Variants in ANKRD11 observed in about 807,000 individuals in gnomAD.
The protein encoded by ANKRD11 is ankyrin repeat domain 11.
ANKRD11 carries 17 observed loss-of-function variants against 195.7 expected under a neutral mutation model. That is an observed-to-expected ratio of 0.09 (90% CI 0.06 to 0.13). The LOEUF (loss-of-function observed/expected upper bound fraction) is 0.13, where lower values mean the gene tolerates loss of function less well. Among genes scored for constraint, ANKRD11 ranks in the 10% least tolerant of loss-of-function variants. The pLI, the probability that ANKRD11 is intolerant of heterozygous loss-of-function variation, is 1.00. For synonymous variants in ANKRD11, 1,953 were observed against 1,528.1 expected, an observed-to-expected ratio of 1.28 and a Z score of -6.49; for missense variants, 3,735 against 3,566.1, an observed-to-expected ratio of 1.05 and a Z score of -1.21.
intron 9 of ANKRD11, among the ~76,000 whole-genome samples, chr16:89,276,595 C>T (rs2033673710): frequency 1.3e-5 from 2 of 152,198 alleles, no homozygotes; most frequent in African/African-American, 2.4e-5. Context: ...CAGAAGCTCC[C>T]AGCCAGGAGA....
intron 1 of ANKRD11, among the ~76,000 whole-genome samples, chr16:89,487,753 G>T (rs565614645): frequency 6.6e-6 from 1 of 152,112 alleles, no homozygotes; most frequent in African/African-American, 2.4e-5. Context: ...CAGCCTGGGC[G>T]ACAGAGCGAG....
intron 2 of ANKRD11, among the ~76,000 whole-genome samples, chr16:89,328,556 G>A (rs1004987890): frequency 6.6e-6 from 1 of 150,802 alleles, no homozygotes; most frequent in African/African-American, 2.5e-5. Context: ...ATCTGCAGAG[G>A]CCCCTGCTGA....
At chr16:89,300,897 G>A (rs1285430082) in intron 4 of ANKRD11, 7 of 701,834 alleles carry the variant, frequency 1.0e-5, no homozygotes, top group Admixed American at 2.0e-5. Flanking sequence ...AGGCAGCTTC[G>A]GCCCATGGCG....
At chr16:89,465,560 C>A (rs1282451855) in intron 1 of ANKRD11, among the ~76,000 whole-genome samples, 1 of 152,190 alleles carries the variant, frequency 6.6e-6, no homozygotes, top group Non-Finnish European at 1.5e-5. Context: ...CAGGTGGGAA[C>A]ACTTGCTCCT....
intron 4 of ANKRD11, among the ~76,000 whole-genome samples, chr16:89,293,406 G>A (rs2035192731): frequency 6.6e-6 from 1 of 151,986 alleles, no homozygotes; most frequent in Admixed American, 6.5e-5. Context: ...GGGCAGAGTT[G>A]GGGTTGCGGA....
At chr16:89,286,383 C>T (rs1299070525) in intron 7 of ANKRD11, 197 bp from the exon 8 acceptor site, 2 of 791,910 alleles carry the variant, frequency 2.5e-6, no homozygotes, top group East Asian at 2.7e-5. Context: ...GCTGTGGCTC[C>T]TCTGTGGGAA....
At chr16:89,471,303 C>T (rs1261717907) in intron 1 of ANKRD11, among the ~76,000 whole-genome samples, 1 of 152,136 alleles carries the variant, frequency 6.6e-6, no homozygotes, top group East Asian at 1.9e-4. Context: ...GAACTGTGTG[C>T]AAAACCTAAA....
chr16:89,349,113 G>C (rs2039075920), intron 2 of ANKRD11, among the ~76,000 whole-genome samples: 1 of 43,168 alleles, frequency 2.3e-5, no homozygotes, highest in Non-Finnish European at 4.0e-5. Context: ...GGGGGACAGA[G>C]TAAAACACTG....
chr16:89,375,957 C>T (rs373925260), intron 2 of ANKRD11, among the ~76,000 whole-genome samples: 26 of 152,094 alleles, frequency 1.7e-4, no homozygotes, highest in African/African-American at 3.4e-4. Flanking sequence ...CGTGACACGC[C>T]GCAGCCTGTG....
rs562274438 is a variant in ANKRD11, at chr16:89,288,065, C to T, written c.744+463G>A. 6.7e-4 allele frequency: 380 copies of T among 569,658 alleles called. 6 individuals are homozygous for T. In the South Asian group the frequency reaches 8.6e-3, roughly 13 times the overall value. 35.3% of individuals were successfully genotyped at this position (569,658 alleles called of 1,614,324 possible). A position where few individuals can be genotyped will look rare whatever the true frequency, so the allele number is the denominator to read the frequency against. On this transcript the variant is annotated intron_variant, in intron 7 of 12. Transcript: ENST00000301030. ...GGCTGAGACCTCTCAGTGCCCACTG[C>T]TCCTGGGCCGGCCACAATGGCCACT...
intron 1 of ANKRD11, chr16:89,458,847 CG>C (rs1446666015): frequency 2.0e-5 from 3 of 152,324 alleles, no homozygotes; most frequent in Admixed American, 6.5e-5. Flanking sequence ...ATCTCCTCTG[CG>C]GCCCCGGCCT....
intron 2 of ANKRD11, among the ~76,000 whole-genome samples, chr16:89,359,145 C>G (rs1251405394): frequency 6.6e-6 from 1 of 151,968 alleles, no homozygotes; most frequent in Non-Finnish European, 1.5e-5. Flanking sequence ...ATCTAAAAGA[C>G]TGATTCTGGA....
chr16:89,274,992 C>A (rs375761059), intron 10 of ANKRD11, 35 bp from the exon 11 acceptor site: 1 of 1,612,638 alleles, frequency 6.2e-7, no homozygotes, highest in Admixed American at 1.7e-5. Flanking sequence ...AGCTGGGACA[C>A]AGCCACGCTC....
chr16:89,460,240 AAAC>A (rs1370588668), intron 1 of ANKRD11, among the ~76,000 whole-genome samples: 1 of 152,148 alleles, frequency 6.6e-6, no homozygotes, highest in Non-Finnish European at 1.5e-5. Flanking sequence ...ACCGTCTCAA[AAAC>A]AACAAGAACA....
chr16:89,396,840 C>A (rs547015584), intron 2 of ANKRD11, among the ~76,000 whole-genome samples: 57 of 152,138 alleles, frequency 3.7e-4, no homozygotes, highest in Non-Finnish European at 7.9e-4. Context: ...GTGTCCACCA[C>A]CACACCCGGC....
In ANKRD11 at chr16:89,290,662, G is replaced by A; in HGVS notation, c.564C>T (p.Ile188=). 6.2e-7 allele frequency: 1 copy of A among 1,613,818 alleles called. No homozygotes were observed. Among genetic ancestry groups the A allele is most frequent in the Non-Finnish European group, 8.5e-7 (1 of 1,180,022 alleles). The change falls in exon 6 of 13, where the codon ATC becomes ATT. Residue 188 remains isoleucine, a synonymous_variant. Coordinates refer to ENST00000301030, the MANE Select transcript of ANKRD11 (RefSeq NM_013275.6). ...RGDARRIKEL[I]SEGADVNVKD... is the part of the protein sequence containing the mutation. ...TGACGTTGACGTCTGCCCCCTCGCT[G>A]ATGAGCTCTTTGATGCGCCGGGCGT...
intron 2 of ANKRD11, among the ~76,000 whole-genome samples, chr16:89,359,198 T>C (rs1049274910): frequency 6.6e-6 from 1 of 152,090 alleles, no homozygotes; most frequent in Non-Finnish European, 1.5e-5. Context: ...GGAAATGCGA[T>C]CTGTCCCACA....
chr16:89,281,485 T>A lies in ANKRD11; in HGVS notation c.5057A>T (p.Lys1686Ile), dbSNP rs1257946717. 6.2e-7 allele frequency: 1 copy of A among 1,614,060 alleles called. No individual in the cohort carries two copies. Among genetic ancestry groups the A allele is most frequent in the African/African-American group, 1.3e-5 (1 of 74,924 alleles). The change falls in exon 9 of 13, where the codon AAA becomes ATA. Residue 1686 changes from lysine (K) to isoleucine (I), a missense_variant. By Grantham distance (102) the Lys-to-Ile change is moderately radical (BLOSUM62 -3). Transcript: ENST00000301030. This position sits in a 1 kb window ranked among gnomAD's most constrained non-coding sequence, Gnocchi z 5.5. ...SKDWLAGPHM[K>I]EVLPASPRPD... ...CCTGGGGGACGCAGGCAGGACCTCTTTCATGTGAGGGCCTGCCAGCCAGTC... is the reference window on the plus strand; with the variant it reads ...CCTGGGGGACGCAGGCAGGACCTCTATCATGTGAGGGCCTGCCAGCCAGTC...
chr16:89,368,352 G>A (rs1336602286), intron 2 of ANKRD11, among the ~76,000 whole-genome samples: 8 of 145,192 alleles, frequency 5.5e-5, no homozygotes, highest in African/African-American at 1.8e-4. Flanking sequence ...GCCTGCTGCC[G>A]TGCCTGGCTA....
Sources: gnomAD v4.1 joint callset for allele counts (sites outside exome capture counted in the v4.1 genomes callset) on GRCh38, gnomAD v4.1.1 for gene constraint, Gnocchi (gnomAD v3.1) non-coding constraint, MANE v1.5 for transcripts, NCBI Gene and HGNC (gene_info 2026-07-23, HGNC 2026-07-21) for gene names.